The following CACNA2D1 variants were observed in gnomAD, a reference collection of about 807,000 sequenced individuals.
CACNA2D1 encodes voltage-dependent calcium channel subunit alpha-2/delta-1.
A neutral mutation model predicts 171.5 loss-of-function variants in CACNA2D1; 53 were observed. The observed-to-expected ratio is 0.31, with a 90% confidence interval of 0.25 to 0.39. CACNA2D1 has a LOEUF of 0.39. Ranked by LOEUF, CACNA2D1 falls within the 10% of genes least tolerant of loss-of-function variation. CACNA2D1 has a pLI of 1.00. For missense variants in CACNA2D1, 903 were observed against 1,299.8 expected (o/e 0.69, Z 4.69); for synonymous variants, 442 against 443.1 (o/e 1.00, Z 0.03).
In CACNA2D1 at chr7:82,267,944, C is replaced by A. The variant is rs191796015; in HGVS notation, c.294+67191G>T. Among the ~76,000 whole-genome samples, 850 of 152,200 alleles carry A rather than the reference C, an allele frequency of 5.6e-3. 6 individuals are homozygous for A. Among genetic ancestry groups the A allele is most frequent in the Middle Eastern group, 0.02 (6 of 294 alleles). ...CCCAGGAGGCACAGCTTGCAGTGAG[C>A]CAAGATCGCACCATTGCACTCCAGC... On this transcript the variant is annotated intron_variant, in intron 3 of 38. Coordinates refer to ENST00000356860, the MANE Select transcript of CACNA2D1 (RefSeq NM_000722.4).
At chr7:82,295,930 T>TA (rs1422336228) in intron 3 of CACNA2D1, among the ~76,000 whole-genome samples, 2 of 151,858 alleles carry the variant, frequency 1.3e-5, no homozygotes, top group Admixed American at 6.6e-5. Flanking sequence ...TATGCAGCCA[T>TA]AAAAAATGAT....
intron 3 of CACNA2D1, among the ~76,000 whole-genome samples, chr7:82,250,575 A>G (rs1805515342): frequency 6.6e-6 from 1 of 152,152 alleles, no homozygotes; most frequent in South Asian, 2.1e-4. Context: ...TTCTAGTAGG[A>G]GTCTAAGCTT....
At chr7:82,389,526 C>T (rs1824849462) in intron 1 of CACNA2D1, among the ~76,000 whole-genome samples, 1 of 152,100 alleles carries the variant, frequency 6.6e-6, no homozygotes, top group Non-Finnish European at 1.5e-5. Context: ...GTACAGAATG[C>T]TAAATGGTAT....
intron 1 of CACNA2D1, among the ~76,000 whole-genome samples, chr7:82,403,413 AG>A (rs1468918273): frequency 6.6e-6 from 1 of 152,212 alleles, no homozygotes; most frequent in Non-Finnish European, 1.5e-5. Flanking sequence ...AGTCTCTAAA[AG>A]TAAGGTGGAC....
intron 6 of CACNA2D1, among the ~76,000 whole-genome samples, chr7:82,109,366 C>T (rs1788113594): frequency 6.6e-6 from 1 of 151,918 alleles, no homozygotes; most frequent in Non-Finnish European, 1.5e-5. Context: ...AAACAATTAC[C>T]CTGAAAAATA....
chr7:82,239,158 T>A (rs1803956562), intron 3 of CACNA2D1, among the ~76,000 whole-genome samples: 1 of 152,148 alleles, frequency 6.6e-6, no homozygotes. Context: ...AACAGAATAT[T>A]ATTTTAGAAA....
At chr7:82,274,725 C>T (rs1215034666) in intron 3 of CACNA2D1, among the ~76,000 whole-genome samples, 2 of 152,160 alleles carry the variant, frequency 1.3e-5, no homozygotes, top group African/African-American at 4.8e-5. Flanking sequence ...TACACTTCCA[C>T]ACTCAAAAGA....
intron 10 of CACNA2D1, chr7:82,050,219 T>A (rs1268906575): frequency 4.8e-6 from 1 of 208,434 alleles, no homozygotes; most frequent in East Asian, 1.1e-4. Flanking sequence ...CTGGTATTAG[T>A]TGGTGTTAAA....
At chr7:82,262,523 TA>T (rs1297238470) in intron 3 of CACNA2D1, among the ~76,000 whole-genome samples, 1 of 151,302 alleles carries the variant, frequency 6.6e-6, no homozygotes, top group African/African-American at 2.4e-5. Flanking sequence ...TGCCGCCAAC[TA>T]AAAAAAAATT....
intron 3 of CACNA2D1, among the ~76,000 whole-genome samples, chr7:82,233,780 G>A (rs1803232254): frequency 6.6e-6 from 1 of 151,852 alleles, no homozygotes; most frequent in South Asian, 2.1e-4. Flanking sequence ...ATTTATTCCT[G>A]CTTAGTTCAC....
intron 15 of CACNA2D1, among the ~76,000 whole-genome samples, chr7:82,009,741 A>AT (rs559018653): frequency 9.9e-5 from 15 of 152,074 alleles, no homozygotes; most frequent in South Asian, 6.2e-4. Flanking sequence ...CCCAACTTGA[A>AT]TTTTTTTCTC....
chr7:82,102,880 A>G (rs1352100500), intron 6 of CACNA2D1, among the ~76,000 whole-genome samples: 2 of 152,240 alleles, frequency 1.3e-5, no homozygotes, highest in Admixed American at 6.5e-5. Flanking sequence ...GCAATGAAGT[A>G]TCTACTAAGC....
intron 1 of CACNA2D1, among the ~76,000 whole-genome samples, chr7:82,355,838 ATATATAATCTC>A (rs1820360471): frequency 1.3e-5 from 2 of 151,876 alleles, no homozygotes; most frequent in South Asian, 2.1e-4. Flanking sequence ...TATAATCTCC[ATATATAATCTC>A]TAAATCTGAG....
intron 3 of CACNA2D1, among the ~76,000 whole-genome samples, chr7:82,222,005 CA>C: frequency 6.6e-6 from 1 of 151,310 alleles, no homozygotes; most frequent in South Asian, 2.1e-4. Context: ...AGGTTTTTAC[CA>C]GTTTGTAAGA....
chr7:81,956,960 T>A (rs1793454962), intron 38 of CACNA2D1, among the ~76,000 whole-genome samples: 1 of 152,160 alleles, frequency 6.6e-6, no homozygotes, highest in South Asian at 2.1e-4. Context: ...AGATAATGTA[T>A]ATTAAATAAA....
chr7:81,995,798 C>CAAAAAAAA lies in CACNA2D1; in HGVS notation c.1663-867_1663-860dup, dbSNP rs59979323. Reference sequence around the variant, plus strand: ...TGGGCGACAGAGCGAGACTCCACCTCAAAAAAAAAAAAAAAAAAAAGTGCA... The same window carrying CAAAAAAAA: ...TGGGCGACAGAGCGAGACTCCACCTCAAAAAAAAAAAAAAAAAAAAAAAAAAAAGTGCA... On this transcript the variant is annotated intron_variant, in intron 19 of 38. Transcript: ENST00000356860. Among the ~76,000 whole-genome samples the CAAAAAAAA allele has an allele frequency of 4.2e-3, 428 of 101,496 alleles. 5 individuals carry two copies. Among genetic ancestry groups the CAAAAAAAA allele is most frequent in the African/African-American group, 0.014 (417 of 29,150 alleles). 66.6% of individuals were successfully genotyped at this position (101,496 alleles called of 152,430 possible). A position where few individuals can be genotyped will look rare whatever the true frequency, so the allele number is the denominator to read the frequency against.
intron 34 of CACNA2D1, among the ~76,000 whole-genome samples, chr7:81,963,549 T>C (rs1031319340): frequency 6.6e-6 from 1 of 151,920 alleles, no homozygotes; most frequent in African/African-American, 2.4e-5. Flanking sequence ...GTTTGGAAGG[T>C]AGCATCAGTG....
At chr7:81,996,308 A>G (rs1798036768) in intron 19 of CACNA2D1, among the ~76,000 whole-genome samples, 1 of 152,148 alleles carries the variant, frequency 6.6e-6, no homozygotes, top group South Asian at 2.1e-4. Context: ...AACAAATACT[A>G]TTAATCACCT....
chr7:82,416,327 A>C (rs964901204), intron 1 of CACNA2D1, among the ~76,000 whole-genome samples: 3 of 152,174 alleles, frequency 2.0e-5, no homozygotes, highest in East Asian at 3.9e-4. Flanking sequence ...AAATGACTGA[A>C]TAGTGATGTC....
Sources: allele counts gnomAD v4.1 joint callset (sites outside exome capture counted in the v4.1 genomes callset), GRCh38; gene constraint gnomAD v4.1.1; transcripts MANE v1.5; gene names NCBI Gene and HGNC (gene_info 2026-07-23, HGNC 2026-07-21).